Variants in MYO5B observed in about 807,000 individuals in gnomAD.
The protein encoded by MYO5B is unconventional myosin-Vb.
MYO5B carries 143 observed loss-of-function variants against 229.3 expected under a neutral mutation model. The ratio of observed to expected loss-of-function variants is 0.62; its 90% CI spans 0.54 to 0.72. The LOEUF is 0.72. MYO5B is among the 30% of genes least tolerant of loss of function. The pLI is 0.00. For synonymous variants in MYO5B, 918 were observed against 885.2 expected (o/e 1.04, Z -0.66); for missense variants, 2,321 against 2,331.0 (o/e 1.00, Z 0.09).
intron 14 of MYO5B, among the ~76,000 whole-genome samples, chr18:49,945,973 A>C (rs762488195): frequency 1.3e-5 from 2 of 152,194 alleles, no homozygotes; most frequent in Non-Finnish European, 2.9e-5. Flanking sequence ...CTGGCTTATT[A>C]AATAATTCTA....
chr18:49,868,240 A>T (rs1338525200), intron 27 of MYO5B, among the ~76,000 whole-genome samples: 1 of 152,146 alleles, frequency 6.6e-6, no homozygotes, highest in African/African-American at 2.4e-5. Context: ...GTATTTTAAA[A>T]TTTTTCTAAG....
intron 17 of MYO5B, among the ~76,000 whole-genome samples, chr18:49,912,423 G>C (rs759523060): frequency 6.6e-6 from 1 of 152,130 alleles, no homozygotes; most frequent in Non-Finnish European, 1.5e-5. Flanking sequence ...ACTTCTTAGA[G>C]GACTAAACAG....
chr18:50,055,225 G>GCCCCCCCCCCCC, intron 2 of MYO5B, 43 bp downstream of exon 2: 6 of 700,374 alleles, frequency 8.6e-6, no homozygotes, highest in Admixed American at 4.0e-5. Context: ...TGAGCTCCCT[G>GCCCCCCCCCCCC]CCCCACCTCA....
chr18:50,077,168 T>TAAAAAAAAAAAAAGAAAAAAAAAAAAA (rs2031100366), intron 1 of MYO5B, among the ~76,000 whole-genome samples: 1 of 81,232 alleles, frequency 1.2e-5, no homozygotes, highest in African/African-American at 4.5e-5. Flanking sequence ...TGTGGCAAAG[T>TAAAAAAAAAAAAAGAAAAAAAAAAAAA]AAAAAAAAAA....
chr18:50,119,979 C>T (rs7227756), intron 1 of MYO5B, among the ~76,000 whole-genome samples: 11,474 of 150,228 alleles, frequency 0.076, 504 homozygotes, highest in East Asian at 0.22. Context: ...GAATATTGTG[C>T]TCCCTGGGAA....
At chr18:50,168,026 T>A (rs2032877584) in intron 1 of MYO5B, among the ~76,000 whole-genome samples, 1 of 152,250 alleles carries the variant, frequency 6.6e-6, no homozygotes, top group Non-Finnish European at 1.5e-5. Flanking sequence ...GCAGGTTCTA[T>A]GATATTTATA....
At chr18:50,141,431 A>C (rs1189854139) in intron 1 of MYO5B, among the ~76,000 whole-genome samples, 1 of 152,214 alleles carries the variant, frequency 6.6e-6, no homozygotes, top group Admixed American at 6.5e-5. Flanking sequence ...AGGAGTTGTC[A>C]TGAAGCTGTA....
At chr18:49,842,910 T>C (rs778199479) in intron 34 of MYO5B, among the ~76,000 whole-genome samples, 2 of 152,192 alleles carry the variant, frequency 1.3e-5, no homozygotes, top group Non-Finnish European at 2.9e-5. Flanking sequence ...CACACACCCT[T>C]GGCTGCAGCA....
chr18:49,959,900 A>G (rs1219527470), intron 12 of MYO5B, among the ~76,000 whole-genome samples: 1 of 152,056 alleles, frequency 6.6e-6, no homozygotes. Context: ...ACACTCAAAC[A>G]CCTTCTTGGA....
intron 17 of MYO5B, among the ~76,000 whole-genome samples, chr18:49,913,901 G>T (rs1358363550): frequency 2.0e-5 from 3 of 151,934 alleles, no homozygotes; most frequent in Non-Finnish European, 4.4e-5. Context: ...GTTCACCTGG[G>T]GGTGGTGGGA....
chr18:49,869,349 T>A (rs2024432545), intron 27 of MYO5B, among the ~76,000 whole-genome samples: 1 of 152,188 alleles, frequency 6.6e-6, no homozygotes, highest in Admixed American at 6.5e-5. Context: ...CAAGCCAGCC[T>A]CTTCAACATG....
In MYO5B at chr18:49,825,064, GAT is replaced by G. The variant is rs1491330984; in HGVS notation, c.*1405_*1406del. On this transcript the variant is annotated 3_prime_UTR_variant, in exon 40 of 40. Coordinates refer to ENST00000285039, the MANE Select transcript of MYO5B (RefSeq NM_001080467.3). ...CAGGCTGTTCTACTTCCAATTCATG[GAT>G]AAATCTTATTTTCTCAATGTAATAC... 8.5e-5 allele frequency: 13 copies of G among 152,260 alleles called. No individual in the cohort carries two copies. The highest frequency in any genetic ancestry group is 1.6e-4 in the Non-Finnish European group (11 of 68,018). The allele number at this position is 152,260 out of a possible 1,614,324, so 9.4% of individuals were successfully genotyped here.
At chr18:49,919,951 G>A (rs572543835) in intron 17 of MYO5B, among the ~76,000 whole-genome samples, 1 of 152,234 alleles carries the variant, frequency 6.6e-6, no homozygotes, top group Non-Finnish European at 1.5e-5. Flanking sequence ...AAAATGTGCT[G>A]TATCTATCTG....
At chr18:50,172,162 T>C (rs2032927575) in intron 1 of MYO5B, among the ~76,000 whole-genome samples, 1 of 151,646 alleles carries the variant, frequency 6.6e-6, no homozygotes, top group Non-Finnish European at 1.5e-5. Flanking sequence ...ACAACTGTAG[T>C]CCCAACTACT....
intron 29 of MYO5B, among the ~76,000 whole-genome samples, chr18:49,858,294 G>A (rs1337309641): frequency 1.3e-5 from 2 of 152,108 alleles, no homozygotes; most frequent in African/African-American, 2.4e-5. Context: ...GGCCTTTCAT[G>A]GCTGGTGCTT....
intron 9 of MYO5B, among the ~76,000 whole-genome samples, 185 bp from the exon 10 acceptor site, chr18:49,974,800 C>CACACACACACACACACACACACACAG (rs1568054816): frequency 1.3e-5 from 1 of 75,448 alleles, no homozygotes; most frequent in African/African-American, 3.9e-5. Flanking sequence ...CACACACAGA[C>CACACACACACACACACACACACACAG]ACACACACAC....
At chr18:49,934,182 A>C (rs1437343615) in intron 16 of MYO5B, among the ~76,000 whole-genome samples, 1 of 152,228 alleles carries the variant, frequency 6.6e-6, no homozygotes, top group Non-Finnish European at 1.5e-5. Flanking sequence ...GGCCCTCATC[A>C]GAATTAACAG....
chr18:49,883,839 G>A (rs953295711), intron 22 of MYO5B, among the ~76,000 whole-genome samples: 5 of 152,122 alleles, frequency 3.3e-5, no homozygotes, highest in African/African-American at 1.2e-4. Context: ...TTTGACAACC[G>A]TGCCAAAACA....
Position 50,159,772 on chromosome 18 carries a change from G to A in MYO5B, c.27+34995C>T, listed in dbSNP as rs1034340771. On this transcript the variant is annotated intron_variant, in intron 1 of 39. Coordinates refer to ENST00000285039, the MANE Select transcript of MYO5B (RefSeq NM_001080467.3). ...AGTGTTTGTTACTCAAGGTCTTCACGTTCCACTGTTTAGTCTCCTCCTGCA... is the reference window on the plus strand; with the variant it reads ...AGTGTTTGTTACTCAAGGTCTTCACATTCCACTGTTTAGTCTCCTCCTGCA... 4.6e-5 allele frequency among the ~76,000 whole-genome samples: 7 copies of A among 152,094 alleles called. No homozygotes were observed. In the East Asian group the frequency reaches 5.8e-4, roughly 13 times the overall value.
Sources: gnomAD v4.1 joint callset for allele counts (sites outside exome capture counted in the v4.1 genomes callset) on GRCh38, gnomAD v4.1.1 for gene constraint, MANE v1.5 for transcripts, NCBI Gene and HGNC (gene_info 2026-07-23, HGNC 2026-07-21) for gene names.